Variants in TTC24 observed in about 807,000 individuals in gnomAD.
TTC24 encodes tetratricopeptide repeat domain 24.
A neutral mutation model predicts 63.3 loss-of-function variants in TTC24; 54 were observed. The ratio of observed to expected loss-of-function variants is 0.85; its 90% confidence interval spans 0.69 to 1.07. The LOEUF (loss-of-function observed/expected upper bound fraction) is 1.07. TTC24 is among the 50% of genes least tolerant of loss of function. TTC24 has a pLI of 0.00. For synonymous variants in TTC24, 276 were observed against 304.3 expected (o/e 0.91, Z 0.97); for missense variants, 680 against 730.5 (o/e 0.93, Z 0.80).
At chr1:156,582,532 C>G (rs1400107796) in intron 3 of TTC24, 98 bp downstream of exon 3, 9 of 1,087,432 alleles carry the variant, frequency 8.3e-6, no homozygotes, top group African/African-American at 1.6e-5. Flanking sequence ...CCTTTGGGAC[C>G]ACTTATGGAG....
intron 8 of TTC24, 137 bp from the exon 9 acceptor site, chr1:156,585,576 C>A (rs1474545055): frequency 4.4e-6 from 3 of 685,298 alleles, no homozygotes; most frequent in African/African-American, 3.6e-5. Context: ...TACTCTGTGC[C>A]CAACACAGCG....
chr1:156,582,302 C>T lies in TTC24; in HGVS notation c.778C>T (p.Leu260=), dbSNP rs889700441. The change falls in exon 3 of 11, where the codon CTG becomes TTG. Residue 260 remains leucine (L), a synonymous_variant. Coordinates refer to ENST00000368236, the MANE Select transcript of TTC24 (RefSeq NM_001105669.4). ...GTTCCCGCTGGCCGTGGAGGCCTTC[C>T]TGCAGGCCCTGCCCCTGTGCTGGGT... The part of the protein sequence containing the change: ...QLFPLAVEAF[L]QALPLCWVPG... The T allele has an allele frequency of 5.7e-6, 9 of 1,581,930 alleles. No individual in the cohort carries two copies. Among genetic ancestry groups the T allele is most frequent in the South Asian group, 2.3e-5 (2 of 86,576 alleles).
intron 1 of TTC24, among the ~76,000 whole-genome samples, chr1:156,580,202 G>A (rs2102466556): frequency 6.6e-6 from 1 of 152,278 alleles, no homozygotes; most frequent in Non-Finnish European, 1.5e-5. Flanking sequence ...GTAAATGCAT[G>A]TTCTGTCCCA....
rs373561794 is a variant in TTC24 at position 156,581,640 on chromosome 1, T to A, written c.276T>A (p.Thr92=). The A allele has an allele frequency of 1.6e-4, 253 of 1,551,704 alleles. No homozygotes were observed. The highest frequency in any genetic ancestry group is 2.1e-4 in the Non-Finnish European group (236 of 1,146,992). ...ACCTGGGGGCTGCCTATGTGGAGAC[T>A]GGGGACCCAGCCAGAGGCCTTGAGC... The part of the protein sequence containing the change: ...AFNLGAAYVE[T]GDPARGLELL... Residue 92 remains threonine, a synonymous_variant, in exon 2 of 11, where the codon ACT becomes ACA. Transcript: ENST00000368236.
At position 156,586,031 on chromosome 1, in the gene TTC24, C is replaced by G. The variant is rs768998310; in HGVS notation, c.1653C>G (p.Gly551=). 5 of 1,573,068 alleles carry G rather than the reference C, an allele frequency of 3.2e-6. No individual in the cohort carries two copies. The highest frequency in any genetic ancestry group is 4.3e-6 in the Non-Finnish European group (5 of 1,158,920). Residue 551 remains glycine (G), a synonymous_variant, in exon 10 of 11, where the codon GGC becomes GGG. Coordinates refer to ENST00000368236, the MANE Select transcript of TTC24 (RefSeq NM_001105669.4). The stretch of plus-strand genomic sequence containing the variant: ...ACCCTAGCATCTTGGTACCCAATGG[C>G]CCTCAAGCCAATAGGTGGGTCCTTG... The part of the protein sequence containing the change: ...AEYPSILVPN[G]PQANRSSRWP...
In TTC24 at chr1:156,583,289, A is replaced by G. The variant is rs1409740360; in HGVS notation, c.1040-49A>G. 2 of 1,605,986 alleles carry G rather than the reference A, an allele frequency of 1.2e-6. No individual in the cohort carries two copies. Among genetic ancestry groups the G allele is most frequent in the East Asian group, 4.5e-5 (2 of 44,414 alleles). Reference sequence around the variant, plus strand: ...GGGAGTGCCTCTGAGGGGGTGGATCAGTGGGGTAGGAAGTCATGAAAGGAC... The same window carrying G: ...GGGAGTGCCTCTGAGGGGGTGGATCGGTGGGGTAGGAAGTCATGAAAGGAC... On this transcript the variant is annotated intron_variant, in intron 4 of 10. Coordinates refer to ENST00000368236, the MANE Select transcript of TTC24 (RefSeq NM_001105669.4). The surrounding 1 kb of genome is among the most constrained non-coding windows in gnomAD (Gnocchi z 4.0).
chr1:156,583,701 CT>C lies in TTC24; in HGVS notation c.1153-95del. 2 of 968,158 alleles carry C rather than the reference CT, an allele frequency of 2.1e-6. No homozygotes were observed. Among genetic ancestry groups the C allele is most frequent in the East Asian group, 2.6e-5 (1 of 37,828 alleles). The allele number at this position is 968,158 out of a possible 1,614,324, so 60.0% of individuals were successfully genotyped here. ...AGAAGAGAGGGGAAACAAAGCCCCCCTCCCCCCTCCCTTTCCTGTTTCCTTC... is the reference window on the plus strand; with the variant it reads ...AGAAGAGAGGGGAAACAAAGCCCCCCCCCCCCTCCCTTTCCTGTTTCCTTC... On this transcript the variant is annotated intron_variant, in intron 5 of 10. Transcript: ENST00000368236. The surrounding 1 kb of genome is among the most constrained non-coding windows in gnomAD (Gnocchi z 4.0).
At chr1:156,586,379 T>G in intron 10 of TTC24, 90 bp from the exon 11 acceptor site, 1 of 1,160,148 alleles carries the variant, frequency 8.6e-7, no homozygotes, top group Non-Finnish European at 1.3e-6. Context: ...AAGGGCCAAA[T>G]AGGGCAGAGG....
intron 2 of TTC24, 32 bp downstream of exon 2, chr1:156,582,102 C>T: frequency 6.8e-7 from 1 of 1,464,908 alleles, no homozygotes; most frequent in East Asian, 2.5e-5. Context: ...GGCATGGGAT[C>T]TGGGGAGACA....
In TTC24 at chr1:156,582,280, C is replaced by G; in HGVS notation, c.756C>G (p.Phe252Leu). ...LGLGYSQLQL[F>L]PLAVEAFLQA... ...TGGGCTACTCCCAGCTCCAGCTGTT[C>G]CCGCTGGCCGTGGAGGCCTTCCTGC... Residue 252 changes from phenylalanine to leucine, a missense_variant, in exon 3 of 11, where the codon TTC (phenylalanine) becomes TTG (leucine). By Grantham distance (22) the Phe-to-Leu change is conservative. Transcript: ENST00000368236. The G allele has an allele frequency of 6.4e-7, 1 of 1,560,474 alleles. No homozygotes were observed. Among genetic ancestry groups the G allele is most frequent in the Non-Finnish European group, 8.7e-7 (1 of 1,152,602 alleles).
intron 3 of TTC24, 83 bp from the exon 4 acceptor site, chr1:156,582,959 T>C: frequency 6.6e-7 from 1 of 1,508,236 alleles, no homozygotes; most frequent in Non-Finnish European, 8.9e-7. Flanking sequence ...TCCTGGGAGG[T>C]CTGTCTTGGT....
intron 3 of TTC24, 60 bp downstream of exon 3, chr1:156,582,494 AGG>A: frequency 3.3e-6 from 5 of 1,502,832 alleles, no homozygotes; most frequent in Non-Finnish European, 2.8e-6. Flanking sequence ...GGGTTCCAAA[AGG>A]GGCCCAAGGC....
Position 156,581,386 on chromosome 1 carries a change from G to A in TTC24, c.22G>A (p.Asp8Asn), listed in dbSNP as rs1045322465. 1.3e-5 allele frequency: 19 copies of A among 1,515,630 alleles called. No homozygotes were observed. Among genetic ancestry groups the A allele is most frequent in the Admixed American group, 2.2e-5 (1 of 44,930 alleles). The allele number at this position is 1,515,630 out of a possible 1,614,324, so 93.9% of individuals were successfully genotyped here. Reference sequence around the variant, plus strand: ...CCCTATGTCTTCCCCCAACCCTGAGGATGTGCCCCGGAGGCCAGAACCTGA... The same window carrying A: ...CCCTATGTCTTCCCCCAACCCTGAGAATGTGCCCCGGAGGCCAGAACCTGA... The part of the protein sequence containing the change: MSSPNPE[D>N]VPRRPEPEPS... The change falls in exon 2 of 11, where the codon GAT (aspartate) becomes AAT (asparagine). Residue 8 changes from aspartate to asparagine, a missense_variant. Asp to Asn is a conservative substitution (Grantham distance 23). Transcript: ENST00000368236.
In TTC24 at chr1:156,582,224, C is replaced by T. The variant is rs568141178; in HGVS notation, c.707-7C>T. ...TGGCTACCAGTGACCCTGGCTATTC[C>T]CTCTAGGGCACCTCTATAACGATCT... On this transcript the variant is annotated splice_polypyrimidine_tract_variant and splice_region_variant and intron_variant, in intron 2 of 10. Transcript: ENST00000368236. 602 of 1,546,710 alleles carry T rather than the reference C, an allele frequency of 3.9e-4. 2 individuals carry two copies. Among genetic ancestry groups the T allele is most frequent in the African/African-American group, 1.0e-3 (75 of 73,042 alleles).
At chr1:156,580,930 TCTC>T (rs1188185226) in intron 1 of TTC24, among the ~76,000 whole-genome samples, 1 of 152,232 alleles carries the variant, frequency 6.6e-6, no homozygotes, top group African/African-American at 2.4e-5. Context: ...AACTTTTTCA[TCTC>T]CTTTCATAAA....
In TTC24 at chr1:156,581,936, G is replaced by A. The variant is rs775097190; in HGVS notation, c.572G>A (p.Arg191Gln). ...SQAYAQERQL[R>Q]AAALALGAAA... ...GCCTATGCTCAAGAGAGACAGCTGC[G>A]GGCCGCAGCCCTGGCACTGGGGGCT... Residue 191 changes from arginine to glutamine, a missense_variant, in exon 2 of 11, where the codon CGG (arginine) becomes CAG (glutamine). Physicochemically the swap from Arg to Gln is conservative, Grantham distance 43. Coordinates refer to ENST00000368236, the MANE Select transcript of TTC24 (RefSeq NM_001105669.4). 83 of 1,542,590 alleles carry A rather than the reference G, an allele frequency of 5.4e-5. No individual in the cohort carries two copies. The African/African-American group carries it at 6.1e-4, about 11-fold the overall frequency.
chr1:156,582,743 C>A (rs914600168), intron 3 of TTC24, among the ~76,000 whole-genome samples: 3 of 152,208 alleles, frequency 2.0e-5, no homozygotes, highest in Non-Finnish European at 4.4e-5. Context: ...CATTGAGGAA[C>A]CACTTTCACT....
chr1:156,586,099 G>T, intron 10 of TTC24, 54 bp downstream of exon 10: 2 of 1,244,702 alleles, frequency 1.6e-6, no homozygotes, highest in Non-Finnish European at 2.3e-6. Flanking sequence ...AAAGTAGAAT[G>T]TGTGGCTTGG....
At chr1:156,585,658 A>G (rs1677135029) in intron 8 of TTC24, 55 bp from the exon 9 acceptor site, 1 of 1,252,862 alleles carries the variant, frequency 8.0e-7, no homozygotes, top group Admixed American at 1.7e-5. Flanking sequence ...CTCAGGGAGC[A>G]GAGTTCTTTG....
Sources: allele counts gnomAD v4.1 joint callset (sites outside exome capture counted in the v4.1 genomes callset), GRCh38; gene constraint gnomAD v4.1.1; non-coding constraint Gnocchi (gnomAD v3.1); transcripts MANE v1.5; gene names NCBI Gene and HGNC (gene_info 2026-07-23, HGNC 2026-07-21).